FAF1: variants seen among roughly 807,000 people sequenced by gnomAD.
FAF1 encodes Fas associated factor 1.
Under a neutral mutation model 92.5 loss-of-function variants are expected in FAF1, and 25 were observed. The observed-to-expected ratio is 0.27, with a 90% confidence interval of 0.20 to 0.38. FAF1 has a LOEUF of 0.38. Ranked by LOEUF, FAF1 falls within the 10% of genes least tolerant of loss-of-function variation. The pLI, the probability that FAF1 is intolerant of heterozygous loss-of-function variation, is 1.00. For missense variants in FAF1, 636 were observed against 793.3 expected (o/e 0.80, Z 2.38); for synonymous variants, 234 against 273.2 (o/e 0.86, Z 1.42).
At chr1:50,710,805 T>C (rs1657891045) in intron 6 of FAF1, among the ~76,000 whole-genome samples, 1 of 152,006 alleles carries the variant, frequency 6.6e-6, no homozygotes, top group Non-Finnish European at 1.5e-5. Context: ...GGTTTCACCA[T>C]GTTAGCCAGG....
At chr1:50,935,164 A>C (rs1645076296) in intron 1 of FAF1, among the ~76,000 whole-genome samples, 1 of 152,232 alleles carries the variant, frequency 6.6e-6, no homozygotes, top group Non-Finnish European at 1.5e-5. Context: ...AAATGGTAGA[A>C]TTTCAAAAGG....
chr1:50,521,718 A>G (rs1647506752), intron 15 of FAF1, among the ~76,000 whole-genome samples: 1 of 152,272 alleles, frequency 6.6e-6, no homozygotes, highest in Admixed American at 6.5e-5. Context: ...TTTTACAGTA[A>G]TAAATGGTGA....
In FAF1 at chr1:50,528,590, C is replaced by T. The variant is rs543185550; in HGVS notation, c.1494+6779G>A. On this transcript the variant is annotated intron_variant, in intron 15 of 18. Transcript: ENST00000396153. Reference sequence around the variant, plus strand: ...AAATAATCACACTCAGATTCAGCTGCCTTGGCATCTTCTATACTGGTACTG... The same window carrying T: ...AAATAATCACACTCAGATTCAGCTGTCTTGGCATCTTCTATACTGGTACTG... 3.9e-4 allele frequency among the ~76,000 whole-genome samples: 59 copies of T among 152,266 alleles called. No individual in the cohort carries two copies. The South Asian group carries it at 7.9e-3, about 20-fold the overall frequency.
intron 4 of FAF1, among the ~76,000 whole-genome samples, chr1:50,756,975 G>C (rs1660100803): frequency 6.6e-6 from 1 of 152,138 alleles, no homozygotes; most frequent in Non-Finnish European, 1.5e-5. Context: ...TCACAATTCA[G>C]TTCAAAATAT....
chr1:50,682,904 C>T (rs1169519542), intron 7 of FAF1, among the ~76,000 whole-genome samples: 2 of 151,272 alleles, frequency 1.3e-5, no homozygotes, highest in African/African-American at 4.9e-5. Context: ...CCATACTGGC[C>T]AAATGGTGAA....
At chr1:50,900,055 T>G (rs893966980) in intron 1 of FAF1, among the ~76,000 whole-genome samples, 3 of 152,332 alleles carry the variant, frequency 2.0e-5, no homozygotes, top group African/African-American at 7.2e-5. Context: ...TTTTCTTCAT[T>G]TTTTGTTAAT....
chr1:50,462,969 G>A (rs1646451193), intron 18 of FAF1, among the ~76,000 whole-genome samples: 1 of 152,166 alleles, frequency 6.6e-6, no homozygotes, highest in Admixed American at 6.5e-5. Flanking sequence ...CTGTTTGAGA[G>A]GCCTGCTTAC....
At chr1:50,941,068 G>A (rs199502223) in intron 1 of FAF1, among the ~76,000 whole-genome samples, 1 of 147,946 alleles carries the variant, frequency 6.8e-6, no homozygotes, top group Non-Finnish European at 1.5e-5. Flanking sequence ...GTCTCACTCT[G>A]TCACTCAGGC....
At position 50,655,598 on chromosome 1, in the gene FAF1, T is replaced by C. The variant is rs1000792238; in HGVS notation, c.658-70A>G. ...TGACTTACAGTTTCCAATCAATTTATGAGACATACAGTGTATTTCTTGTTT... is the reference window on the plus strand; with the variant it reads ...TGACTTACAGTTTCCAATCAATTTACGAGACATACAGTGTATTTCTTGTTT... On this transcript the variant is annotated intron_variant, in intron 7 of 18. Coordinates refer to ENST00000396153, the MANE Select transcript of FAF1 (RefSeq NM_007051.3). The C allele has an allele frequency of 2.8e-5, 27 of 963,330 alleles. No individual in the cohort carries two copies. In the Admixed American group the frequency reaches 3.3e-4, roughly 12 times the overall value. The allele number at this position is 963,330 out of a possible 1,614,324, so 59.7% of individuals were successfully genotyped here.
chr1:50,687,193 C>T (rs996022811), intron 7 of FAF1, among the ~76,000 whole-genome samples: 5 of 152,016 alleles, frequency 3.3e-5, no homozygotes, highest in Admixed American at 1.3e-4. Flanking sequence ...TTTTCCTTTT[C>T]GGAATAATTT....
chr1:50,715,752 G>A (rs1379993264), intron 6 of FAF1, among the ~76,000 whole-genome samples: 1 of 152,068 alleles, frequency 6.6e-6, no homozygotes, highest in Non-Finnish European at 1.5e-5. Context: ...GCCTTCTAAT[G>A]AGTACCAATG....
chr1:50,604,416 T>C (rs1024583853), intron 8 of FAF1, among the ~76,000 whole-genome samples: 2 of 152,234 alleles, frequency 1.3e-5, no homozygotes, highest in Admixed American at 6.5e-5. Context: ...AACTGAGGTA[T>C]AGAGAGGTAA....
chr1:50,728,871 G>A (rs1380053612), intron 6 of FAF1, among the ~76,000 whole-genome samples: 2 of 150,532 alleles, frequency 1.3e-5, no homozygotes, highest in African/African-American at 4.9e-5. Flanking sequence ...TAGTTTTATG[G>A]AGAGGACTAG....
At chr1:50,731,301 C>A (rs1028451138) in intron 6 of FAF1, among the ~76,000 whole-genome samples, 2 of 152,070 alleles carry the variant, frequency 1.3e-5, no homozygotes, top group African/African-American at 2.4e-5. Context: ...AGGTAGCTAA[C>A]TGCTGAGGTA....
intron 2 of FAF1, among the ~76,000 whole-genome samples, chr1:50,828,505 G>A (rs1338330211): frequency 2.6e-5 from 4 of 152,038 alleles, no homozygotes; most frequent in Non-Finnish European, 4.4e-5. Context: ...TCCTGACCTC[G>A]TGATCTGCCC....
In FAF1 at chr1:50,438,141, G is replaced by A. The variant is rs1646142676; in HGVS notation, c.*3299C>T. ...TGACATGCTGTGTGATTTTAGGCAA[G>A]CCACTATCCTCTAAGCCCCTTGTGC... On this transcript the variant is annotated 3_prime_UTR_variant, in exon 19 of 19. Coordinates refer to ENST00000396153, the MANE Select transcript of FAF1 (RefSeq NM_007051.3). 1 of 151,590 alleles carries A rather than the reference G, an allele frequency of 6.6e-6. No homozygotes were observed. Among genetic ancestry groups the A allele is most frequent in the African/African-American group, 2.4e-5 (1 of 41,218 alleles). 9.4% of individuals were successfully genotyped at this position (151,590 alleles called of 1,614,324 possible). A position where few individuals can be genotyped will look rare whatever the true frequency, so the allele number is the denominator to read the frequency against.
chr1:50,811,533 CAA>C (rs1643912080), intron 2 of FAF1, among the ~76,000 whole-genome samples: 1 of 151,976 alleles, frequency 6.6e-6, no homozygotes, highest in Non-Finnish European at 1.5e-5. Flanking sequence ...ATGAGAATTA[CAA>C]AAGATTGCTC....
chr1:50,698,787 A>C (rs1458771082), intron 7 of FAF1, among the ~76,000 whole-genome samples: 2 of 152,100 alleles, frequency 1.3e-5, no homozygotes, highest in Admixed American at 1.3e-4. Flanking sequence ...CATTAATATG[A>C]ATCAAATTTT....
chr1:50,787,900 C>T, intron 4 of FAF1, 100 bp downstream of exon 4: 5 of 944,292 alleles, frequency 5.3e-6, no homozygotes, highest in Admixed American at 5.1e-5. Flanking sequence ...TGCTTTTTTT[C>T]CCTTCTTGCA....
Sources: gnomAD v4.1 joint callset for allele counts (sites outside exome capture counted in the v4.1 genomes callset) on GRCh38, gnomAD v4.1.1 for gene constraint, MANE v1.5 for transcripts, NCBI Gene and HGNC (gene_info 2026-07-23, HGNC 2026-07-21) for gene names.